Variants in TSPAN18 observed in about 807,000 individuals in gnomAD.
TSPAN18 encodes the protein tetraspanin 18, also known as tetraspanin-18.
TSPAN18 carries 14 observed loss-of-function variants against 27.3 expected under a neutral mutation model. The observed-to-expected ratio is 0.51, with a 90% CI of 0.34 to 0.80. The LOEUF is 0.80. Ranked by LOEUF, TSPAN18 falls within the 30% of genes least tolerant of loss-of-function variation. The pLI, the probability that TSPAN18 is intolerant of heterozygous loss-of-function variation, is 0.01. For missense variants in TSPAN18, 268 were observed against 323.9 expected (o/e 0.83, Z 1.32); for synonymous variants, 143 against 136.5 (o/e 1.05, Z -0.33).
intron 2 of TSPAN18, among the ~76,000 whole-genome samples, chr11:44,790,044 C>G (rs1440000226): frequency 1.3e-5 from 2 of 152,208 alleles, no homozygotes; most frequent in African/African-American, 2.4e-5. Flanking sequence ...GTCCCTGAGT[C>G]TGAGACCTCA....
At chr11:44,866,659 T>C (rs1336122818) in intron 3 of TSPAN18, among the ~76,000 whole-genome samples, 2 of 152,170 alleles carry the variant, frequency 1.3e-5, no homozygotes, top group East Asian at 3.9e-4. Context: ...CACCTGAGCT[T>C]GTAACTTTTG....
intron 3 of TSPAN18, among the ~76,000 whole-genome samples, chr11:44,874,902 C>T (rs773506256): frequency 5.3e-5 from 8 of 152,230 alleles, no homozygotes; most frequent in Admixed American, 3.3e-4. Context: ...AGAGGAGGGA[C>T]GGAAACAGAC....
chr11:44,854,670 C>G (rs143207933), intron 2 of TSPAN18, among the ~76,000 whole-genome samples: 4 of 152,176 alleles, frequency 2.6e-5, no homozygotes, highest in Non-Finnish European at 5.9e-5. Flanking sequence ...ATTTAATAAC[C>G]TGATCCTGGA....
chr11:44,758,377 C>T (rs1855379568), intron 1 of TSPAN18, among the ~76,000 whole-genome samples: 1 of 152,170 alleles, frequency 6.6e-6, no homozygotes, highest in Non-Finnish European at 1.5e-5. Flanking sequence ...GCTTAACCAT[C>T]CTTGCATTCC....
At chr11:44,908,786 A>AGAAGGAAGGAAG in intron 4 of TSPAN18, among the ~76,000 whole-genome samples, 1 of 91,698 alleles carries the variant, frequency 1.1e-5, no homozygotes. Flanking sequence ...AAAGAAAGAA[A>AGAAGGAAGGAAG]GAAAGAAAGA....
At chr11:44,752,771 G>A (rs1314761976) in intron 1 of TSPAN18, among the ~76,000 whole-genome samples, 1 of 152,196 alleles carries the variant, frequency 6.6e-6, no homozygotes, top group Non-Finnish European at 1.5e-5. Flanking sequence ...TGATTATGTA[G>A]GCATTGGAGA....
At position 44,742,636 on chromosome 11, in the gene TSPAN18, C is replaced by T. The variant is rs537454653; in HGVS notation, c.-240+15349C>T. 7.9e-5 allele frequency among the ~76,000 whole-genome samples: 12 copies of T among 152,256 alleles called. No homozygotes were observed. The Middle Eastern group carries it at 0.014, about 173-fold the overall frequency. ...CGTGTCTCAAGCTTCTTCCTTGTCT[C>T]GGGCCTGCTCTGTCCCTCTCTCAGA... On this transcript the variant is annotated intron_variant, in intron 1 of 9. Transcript: ENST00000520358.
At chr11:44,887,702 C>A (rs970390620) in intron 3 of TSPAN18, among the ~76,000 whole-genome samples, 1 of 152,146 alleles carries the variant, frequency 6.6e-6, no homozygotes, top group Non-Finnish European at 1.5e-5. Context: ...GTTCCAAATA[C>A]CACCTGCTTT....
At chr11:44,788,968 G>A (rs1856127173) in intron 2 of TSPAN18, among the ~76,000 whole-genome samples, 1 of 152,174 alleles carries the variant, frequency 6.6e-6, no homozygotes, top group African/African-American at 2.4e-5. Flanking sequence ...ACATCTACGT[G>A]GGGTGCCTGG....
intron 3 of TSPAN18, among the ~76,000 whole-genome samples, chr11:44,894,511 G>A (rs938706384): frequency 3.3e-5 from 5 of 152,244 alleles, no homozygotes; most frequent in African/African-American, 4.8e-5. Context: ...TATGAACTGA[G>A]CTGTTCTTCT....
chr11:44,891,630 A>G (rs560286588), intron 3 of TSPAN18, among the ~76,000 whole-genome samples: 1 of 152,312 alleles, frequency 6.6e-6, no homozygotes, highest in African/African-American at 2.4e-5. Context: ...AAGGCTGGGC[A>G]GCGGACACGG....
intron 3 of TSPAN18, among the ~76,000 whole-genome samples, chr11:44,877,288 G>A (rs981389830): frequency 3.3e-5 from 5 of 152,188 alleles, no homozygotes; most frequent in Admixed American, 6.5e-5. Context: ...GTTCTCCAGC[G>A]CTGCCTTTAA....
intron 5 of TSPAN18, among the ~76,000 whole-genome samples, chr11:44,914,620 G>A (rs561104733): frequency 6.6e-6 from 1 of 152,328 alleles, no homozygotes; most frequent in South Asian, 2.1e-4. Flanking sequence ...ATGGTGATGA[G>A]AGGCTGTGTT....
rs1001562374 is a variant in TSPAN18, at chr11:44,924,713, T to C, written c.616-1961T>C. 1.9e-4 allele frequency among the ~76,000 whole-genome samples: 28 copies of C among 149,806 alleles called. No homozygotes were observed. The South Asian group carries it at 1.9e-3, about 10-fold the overall frequency. On this transcript the variant is annotated intron_variant, in intron 8 of 9. Transcript: ENST00000520358. ...GTTAGTTTTTCTGCTGTTATAGTTC[T>C]GCATTTTAGGGTTCTAATGCTTCAA... is the stretch of plus-strand genomic sequence containing the variant.
At chr11:44,803,892 G>A (rs908565274) in intron 2 of TSPAN18, among the ~76,000 whole-genome samples, 4 of 152,144 alleles carry the variant, frequency 2.6e-5, no homozygotes, top group Non-Finnish European at 5.9e-5. Flanking sequence ...TTCTTACTCC[G>A]TCAGCCTTCC....
chr11:44,906,723 A>G (rs534317190), intron 4 of TSPAN18, among the ~76,000 whole-genome samples: 5 of 152,262 alleles, frequency 3.3e-5, no homozygotes. Context: ...CCTCTCAAAA[A>G]GGTGGAGGGG....
At position 44,816,945 on chromosome 11, in the gene TSPAN18, G is replaced by T. The variant is rs11038162; in HGVS notation, c.-152-43383G>T. 0.053 allele frequency among the ~76,000 whole-genome samples: 8,111 copies of T among 152,290 alleles called. 1,456 individuals are homozygous for T. The East Asian group carries it at 0.62, about 12-fold the overall frequency. ...CAGGAGAGTGCCAGGCCCTGGTGAG[G>T]CAACTTTCTGGTCAGGGAATCCTGT... On this transcript the variant is annotated intron_variant, in intron 2 of 9. Coordinates refer to ENST00000520358, the MANE Select transcript of TSPAN18 (RefSeq NM_130783.5).
In TSPAN18 at chr11:44,929,556, G is replaced by A. The variant is rs1015718766; in HGVS notation, c.*378G>A. The A allele has an allele frequency of 6.2e-5, 14 of 224,460 alleles. No homozygotes were observed. The highest frequency in any genetic ancestry group is 3.2e-4 in the African/African-American group (14 of 43,926). 13.9% of individuals were successfully genotyped at this position (224,460 alleles called of 1,614,324 possible). ...CTGATGCCAAGAAAGTGAGGATTTA[G>A]GCAACAAGGAGGCAAAAGCAAATCT... On this transcript the variant is annotated 3_prime_UTR_variant, in exon 10 of 10. Coordinates refer to ENST00000520358, the MANE Select transcript of TSPAN18 (RefSeq NM_130783.5).
At chr11:44,765,019 T>C (rs1261832826) in intron 2 of TSPAN18, among the ~76,000 whole-genome samples, 4 of 152,186 alleles carry the variant, frequency 2.6e-5, no homozygotes, top group African/African-American at 9.7e-5. Flanking sequence ...AGAAAAGCCT[T>C]GGTCTGTTTC....
Sources: gnomAD v4.1 joint callset for allele counts (sites outside exome capture counted in the v4.1 genomes callset) on GRCh38, gnomAD v4.1.1 for gene constraint, MANE v1.5 for transcripts, NCBI Gene and HGNC (gene_info 2026-07-23, HGNC 2026-07-21) for gene names.